CHCHD6: variants seen among roughly 807,000 people sequenced by gnomAD.
CHCHD6 encodes coiled-coil-helix-coiled-coil-helix domain containing 6.
Under a neutral mutation model 32.3 loss-of-function variants are expected in CHCHD6, and 28 were observed. That is an observed-to-expected ratio of 0.87 (90% CI 0.64 to 1.19). The LOEUF (loss-of-function observed/expected upper bound fraction) is 1.19. Ranked by LOEUF, CHCHD6 falls within the 50% of genes most tolerant of loss-of-function variation. The probability of loss-of-function intolerance (pLI) is 0.00; values close to 1 mark genes in which losing one functional copy is unlikely to be tolerated. For synonymous variants in CHCHD6, 122 were observed against 117.5 expected, an observed-to-expected ratio of 1.04 and a Z score of -0.25; for missense variants, 333 against 307.0, an observed-to-expected ratio of 1.08 and a Z score of -0.63.
At chr3:126,705,525 A>T (rs1559794700) in intron 1 of CHCHD6, among the ~76,000 whole-genome samples, 1 of 152,238 alleles carries the variant, frequency 6.6e-6, no homozygotes. Flanking sequence ...TCATGTAAAT[A>T]GTAAGTGGGA....
intron 4 of CHCHD6, among the ~76,000 whole-genome samples, chr3:126,797,617 C>G (rs1479318066): frequency 6.6e-6 from 1 of 152,152 alleles, no homozygotes; most frequent in Non-Finnish European, 1.5e-5. Context: ...AGTAGTGACA[C>G]ATGCTTTAAA....
At chr3:126,836,876 T>C (rs758875412) in intron 4 of CHCHD6, among the ~76,000 whole-genome samples, 37 of 152,288 alleles carry the variant, frequency 2.4e-4, no homozygotes, top group Non-Finnish European at 1.2e-4. Context: ...GTAAGGACTG[T>C]TGGACGCCAG....
intron 4 of CHCHD6, among the ~76,000 whole-genome samples, chr3:126,807,549 G>A (rs896932719): frequency 6.6e-6 from 1 of 152,078 alleles, no homozygotes; most frequent in Non-Finnish European, 1.5e-5. Flanking sequence ...AGGAGGTCAA[G>A]CATCCAAACA....
rs140124540 is a variant in CHCHD6, at chr3:126,730,342, G to T, written c.197-219G>T. ...GGCATCCTGGTGCAGAGACCCCTTC[G>T]GGATAAGAGGTGGCTTGGATCATCT... is the stretch of plus-strand genomic sequence containing the variant. On this transcript the variant is annotated intron_variant, in intron 2 of 7. Transcript: ENST00000290913. 2.0e-5 allele frequency among the ~76,000 whole-genome samples: 3 copies of T among 152,266 alleles called. No homozygotes were observed. The East Asian group carries it at 5.8e-4, about 29-fold the overall frequency.
chr3:126,750,288 C>T (rs992183339), intron 4 of CHCHD6, among the ~76,000 whole-genome samples: 1 of 152,206 alleles, frequency 6.6e-6, no homozygotes, highest in Non-Finnish European at 1.5e-5. Flanking sequence ...TCCTAGTGCT[C>T]ATCTGGCCTT....
rs750225699 is a variant in CHCHD6, at chr3:126,924,495, G to C, written c.566+9745G>C. Among the ~76,000 whole-genome samples, 90 of 152,310 alleles carry C rather than the reference G, an allele frequency of 5.9e-4. 1 individual carries two copies. Among genetic ancestry groups the C allele is most frequent in the Non-Finnish European group, 1.2e-3 (82 of 68,032 alleles). ...AAGGAAAGGAACAATAATGACTTGG[G>C]CCAGGGGTGAGGGAGGTTCCCAGTG... On this transcript the variant is annotated intron_variant, in intron 6 of 7. Transcript: ENST00000290913.
chr3:126,767,095 G>A (rs1255162774), intron 4 of CHCHD6: 6 of 1,319,652 alleles, frequency 4.5e-6, no homozygotes, highest in Admixed American at 1.7e-5. Flanking sequence ...GTGCCCGGGC[G>A]ATGAACTTCC....
intron 4 of CHCHD6, among the ~76,000 whole-genome samples, chr3:126,787,876 G>A (rs1298807523): frequency 6.6e-6 from 1 of 152,158 alleles, no homozygotes; most frequent in East Asian, 1.9e-4. Context: ...AATAGGAGTG[G>A]TGAGAGAGGG....
intron 4 of CHCHD6, among the ~76,000 whole-genome samples, chr3:126,801,187 C>T (rs1302734860): frequency 1.3e-5 from 2 of 152,202 alleles, no homozygotes; most frequent in Admixed American, 6.5e-5. Context: ...GTTCATCTTA[C>T]TAGGGGGTGC....
chr3:126,846,272 A>C (rs1486126023), intron 4 of CHCHD6, among the ~76,000 whole-genome samples: 1 of 152,202 alleles, frequency 6.6e-6, no homozygotes, highest in Non-Finnish European at 1.5e-5. Flanking sequence ...TTCCCAGAGG[A>C]CATTTGTCAA....
intron 4 of CHCHD6, among the ~76,000 whole-genome samples, chr3:126,786,729 T>A (rs911166422): frequency 6.6e-6 from 1 of 152,244 alleles, no homozygotes; most frequent in Non-Finnish European, 1.5e-5. Flanking sequence ...TATTAGTCCT[T>A]TGTCAGATGA....
chr3:126,916,265 G>A (rs1293883698), intron 6 of CHCHD6, among the ~76,000 whole-genome samples: 1 of 152,038 alleles, frequency 6.6e-6, no homozygotes, highest in Non-Finnish European at 1.5e-5. Flanking sequence ...GCCGGATGTG[G>A]TGGCACATGC....
intron 3 of CHCHD6, 136 bp downstream of exon 3, chr3:126,730,766 A>G: frequency 1.5e-6 from 1 of 658,050 alleles, no homozygotes; most frequent in East Asian, 2.7e-5. Flanking sequence ...TTGAAGGACA[A>G]CCCTATGGTA....
chr3:126,793,745 G>A (rs968120455), intron 4 of CHCHD6, among the ~76,000 whole-genome samples: 7 of 151,438 alleles, frequency 4.6e-5, no homozygotes, highest in Non-Finnish European at 5.9e-5. Flanking sequence ...AAATTATTTC[G>A]TTTCTATCTG....
At chr3:126,712,627 A>G (rs1380237852) in intron 1 of CHCHD6, among the ~76,000 whole-genome samples, 2 of 152,162 alleles carry the variant, frequency 1.3e-5, no homozygotes, top group African/African-American at 4.8e-5. Flanking sequence ...TGCTCTCCGC[A>G]GTGGCACTAG....
chr3:126,958,853 G>T (rs998101357), intron 7 of CHCHD6, among the ~76,000 whole-genome samples: 2 of 152,170 alleles, frequency 1.3e-5, no homozygotes, highest in African/African-American at 4.8e-5. Flanking sequence ...AGGGCCCTTC[G>T]CACCGACCAG....
At chr3:126,755,838 A>ATGTGTGTGTGTGTGTGTG (rs58430251) in intron 4 of CHCHD6, among the ~76,000 whole-genome samples, 51 of 145,966 alleles carry the variant, frequency 3.5e-4, no homozygotes, top group African/African-American at 1.2e-3. Flanking sequence ...CTGTGTGTGC[A>ATGTGTGTGTGTGTGTGTG]TGTGTGTGTG....
At chr3:126,864,105 A>ACCACCATCACCACC (rs1942129143) in intron 5 of CHCHD6, among the ~76,000 whole-genome samples, 2 of 61,644 alleles carry the variant, frequency 3.2e-5, no homozygotes, top group Non-Finnish European at 6.7e-5. Flanking sequence ...CCATTACCAC[A>ACCACCATCACCACC]TCCTCCACCA....
intron 1 of CHCHD6, among the ~76,000 whole-genome samples, chr3:126,721,049 G>A (rs1001334084): frequency 1.3e-5 from 2 of 152,096 alleles, no homozygotes; most frequent in South Asian, 2.1e-4. Context: ...TCATTCTCAC[G>A]CAAATTATTC....
Sources: allele counts gnomAD v4.1 joint callset (sites outside exome capture counted in the v4.1 genomes callset), GRCh38; gene constraint gnomAD v4.1.1; transcripts MANE v1.5; gene names NCBI Gene and HGNC (gene_info 2026-07-23, HGNC 2026-07-21).